LPP: variants seen among roughly 807,000 people sequenced by gnomAD.
The protein encoded by LPP is lipoma-preferred partner.
A neutral mutation model predicts 60.4 loss-of-function variants in LPP; 38 were observed. The ratio of observed to expected loss-of-function variants is 0.63; its 90% CI spans 0.49 to 0.83. The LOEUF (loss-of-function observed/expected upper bound fraction) is 0.83, where lower values mean the gene tolerates loss of function less well. LPP is among the 40% of genes least tolerant of loss of function. The probability of loss-of-function intolerance (pLI) is 0.00; values close to 1 mark genes in which losing one functional copy is unlikely to be tolerated. For missense variants in LPP, 902 were observed against 783.6 expected, an observed-to-expected ratio of 1.15 and a Z score of -1.80; for synonymous variants, 328 against 290.8, an observed-to-expected ratio of 1.13 and a Z score of -1.30.
intron 6 of LPP, chr3:188,568,597 T>G (rs749860468): frequency 6.6e-6 from 1 of 151,900 alleles, no homozygotes; most frequent in African/African-American, 2.4e-5. Flanking sequence ...TCTGGAAGCA[T>G]ATTCAGGGAC....
At chr3:188,158,510 A>G (rs1717209363) in intron 1 of LPP, among the ~76,000 whole-genome samples, 1 of 152,204 alleles carries the variant, frequency 6.6e-6, no homozygotes, top group African/African-American at 2.4e-5. Flanking sequence ...GTAGGTGGAT[A>G]GGTAGCTGTA....
chr3:188,834,138 C>G (rs1046567889), intron 9 of LPP, among the ~76,000 whole-genome samples: 13 of 151,992 alleles, frequency 8.6e-5, no homozygotes, highest in Non-Finnish European at 1.9e-4. Flanking sequence ...GTTTTCTTCC[C>G]CTTTGGTCTG....
rs528759356 is a variant in LPP at position 188,680,297 on chromosome 3, C to T, written c.1114-27970C>T. On this transcript the variant is annotated intron_variant, in intron 7 of 11. Coordinates refer to ENST00000617246, the MANE Select transcript of LPP (RefSeq NM_001375462.1). ...TTAGAGGAGTGTTTCTAAATTGGAT[C>T]GCTTCAGATTGTCTCAGTTCTCTGT... 1.2e-4 allele frequency among the ~76,000 whole-genome samples: 18 copies of T among 152,232 alleles called. 1 individual carries two copies. Among genetic ancestry groups the T allele is most frequent in the Admixed American group, 6.5e-4 (10 of 15,304 alleles).
chr3:188,543,622 T>C (rs1249174230), intron 6 of LPP, among the ~76,000 whole-genome samples: 1 of 152,190 alleles, frequency 6.6e-6, no homozygotes, highest in Non-Finnish European at 1.5e-5. Flanking sequence ...TTATTTGTCA[T>C]GGGAGCCTCT....
intron 5 of LPP, among the ~76,000 whole-genome samples, chr3:188,515,183 G>A (rs751193854): frequency 1.3e-5 from 2 of 152,130 alleles, no homozygotes; most frequent in African/African-American, 2.4e-5. Flanking sequence ...CGATCACAGA[G>A]GTGAATCTCT....
At position 188,884,674 on chromosome 3, in the gene LPP, A is replaced by G; in HGVS notation, c.*10195A>G. Reference sequence around the variant, plus strand: ...ACCAAGACCATATCATTTAGAATTCATTGGCATGTAGAGGTGACTCGATTC... The same window carrying G: ...ACCAAGACCATATCATTTAGAATTCGTTGGCATGTAGAGGTGACTCGATTC... On this transcript the variant is annotated 3_prime_UTR_variant, in exon 12 of 12. Transcript: ENST00000617246. 4.4e-6 allele frequency: 1 copy of G among 228,520 alleles called. No individual in the cohort carries two copies. The highest frequency in any genetic ancestry group is 8.7e-6 in the Non-Finnish European group (1 of 115,066). 14.2% of individuals were successfully genotyped at this position (228,520 alleles called of 1,614,324 possible). A position where few individuals can be genotyped will look rare whatever the true frequency, so the allele number is the denominator to read the frequency against.
intron 4 of LPP, among the ~76,000 whole-genome samples, chr3:188,470,281 T>TACAC (rs59656753): frequency 1.0e-3 from 132 of 126,852 alleles, no homozygotes; most frequent in Middle Eastern, 7.5e-3. Flanking sequence ...CTCTCTCTCA[T>TACAC]ACACACACAC....
intron 1 of LPP, among the ~76,000 whole-genome samples, chr3:188,187,940 A>C (rs1727081037): frequency 6.6e-6 from 1 of 151,886 alleles, no homozygotes; most frequent in Non-Finnish European, 1.5e-5. Flanking sequence ...TAGACATTCT[A>C]GTTTATTTTT....
chr3:188,881,586 A>G lies in LPP; in HGVS notation c.*7107A>G, dbSNP rs1770031533. 3 of 217,720 alleles carry G rather than the reference A, an allele frequency of 1.4e-5. No individual in the cohort carries two copies. The highest frequency in any genetic ancestry group is 2.8e-5 in the Non-Finnish European group (3 of 108,138). 13.5% of individuals were successfully genotyped at this position (217,720 alleles called of 1,614,324 possible). On this transcript the variant is annotated 3_prime_UTR_variant, in exon 12 of 12. Coordinates refer to ENST00000617246, the MANE Select transcript of LPP (RefSeq NM_001375462.1). ...CCAGAAGTGTAAAAGCTACAGAAGG[A>G]TAGAACTCCCATGTCTACAGACAGT...
intron 2 of LPP, among the ~76,000 whole-genome samples, chr3:188,286,413 G>C (rs1380972555): frequency 6.6e-6 from 1 of 152,140 alleles, no homozygotes; most frequent in Non-Finnish European, 1.5e-5. Context: ...AGGCAAAACT[G>C]CTTGTCCTGA....
chr3:188,313,066 T>C (rs1464142621), intron 2 of LPP: 1 of 151,840 alleles, frequency 6.6e-6, no homozygotes, highest in East Asian at 1.9e-4. Context: ...CAAACCAACA[T>C]GGCACATGTA....
intron 3 of LPP, among the ~76,000 whole-genome samples, chr3:188,362,969 C>T (rs2150968709): frequency 6.6e-6 from 1 of 152,160 alleles, no homozygotes; most frequent in South Asian, 2.1e-4. Context: ...CATTAGGGCT[C>T]AAATTTTGTT....
intron 4 of LPP, among the ~76,000 whole-genome samples, chr3:188,408,266 T>C (rs1784133775): frequency 6.6e-6 from 1 of 152,172 alleles, no homozygotes; most frequent in African/African-American, 2.4e-5. Context: ...TGAGAGTTCT[T>C]ATAGGCCTGA....
chr3:188,607,370 GATAT>G (rs10527365), intron 6 of LPP, among the ~76,000 whole-genome samples: 2,271 of 101,574 alleles, frequency 0.022, 37 homozygotes, highest in Non-Finnish European at 0.033. Context: ...GAAAATAGAA[GATAT>G]ATATATATAT....
At chr3:188,412,265 C>G (rs1000766491) in intron 4 of LPP, among the ~76,000 whole-genome samples, 1 of 152,030 alleles carries the variant, frequency 6.6e-6, no homozygotes, top group Admixed American at 6.6e-5. Context: ...TCTGAGTATA[C>G]AAGAGGAGAC....
intron 6 of LPP, among the ~76,000 whole-genome samples, chr3:188,533,463 G>T (rs1011698557): frequency 3.9e-5 from 6 of 152,162 alleles, no homozygotes; most frequent in Non-Finnish European, 8.8e-5. Flanking sequence ...GAAAATAGGT[G>T]TGGATAGTGG....
At chr3:188,354,245 C>T (rs1197252562) in intron 3 of LPP, among the ~76,000 whole-genome samples, 4 of 152,050 alleles carry the variant, frequency 2.6e-5, no homozygotes, top group Non-Finnish European at 5.9e-5. Flanking sequence ...ATTTAAATTT[C>T]AGTACGGAGG....
intron 4 of LPP, among the ~76,000 whole-genome samples, chr3:188,462,544 T>TATATATATATATATA (rs1799236891): frequency 8.8e-5 from 3 of 34,188 alleles, no homozygotes; most frequent in South Asian, 1.5e-3. Context: ...TATATGAGCT[T>TATATATATATATATA]TATATATATA....
At chr3:188,697,440 C>T (rs547011364) in intron 7 of LPP, among the ~76,000 whole-genome samples, 4 of 152,258 alleles carry the variant, frequency 2.6e-5, no homozygotes, top group South Asian at 2.1e-4. Flanking sequence ...TCTTGTGTCA[C>T]GTTCAGGCAT....
Sources: allele counts gnomAD v4.1 joint callset (sites outside exome capture counted in the v4.1 genomes callset), GRCh38; gene constraint gnomAD v4.1.1; transcripts MANE v1.5; gene names NCBI Gene and HGNC (gene_info 2026-07-23, HGNC 2026-07-21).